DNAH1: variants seen among roughly 807,000 people sequenced by gnomAD.
The protein encoded by DNAH1 is dynein axonemal heavy chain 1.
A neutral mutation model predicts 484.3 loss-of-function variants in DNAH1; 327 were observed. That is an observed-to-expected ratio of 0.68 (90% confidence interval 0.62 to 0.74). The LOEUF is 0.74. DNAH1 is among the 30% of genes least tolerant of loss of function. The pLI, the probability that DNAH1 is intolerant of heterozygous loss-of-function variation, is 0.00. For missense variants in DNAH1, 5,052 were observed against 5,546.8 expected, an observed-to-expected ratio of 0.91 and a Z score of 2.83; for synonymous variants, 2,192 against 2,191.9, an observed-to-expected ratio of 1.00 and a Z score of 0.00.
At chr3:52,311,585 G>A (rs1469061314), upstream of DNAH1, among the ~76,000 whole-genome samples, 2 of 152,106 alleles carry the variant, frequency 1.3e-5, no homozygotes, top group Non-Finnish European at 2.9e-5. Flanking sequence ...TCTTTAACCT[G>A]CCCTCCAGCC....
intron 60 of DNAH1, among the ~76,000 whole-genome samples, chr3:52,390,432 AAAAAG>A (rs986970545): frequency 6.6e-6 from 1 of 152,216 alleles, no homozygotes; most frequent in Non-Finnish European, 1.5e-5. Flanking sequence ...GCCATTGCCA[AAAAAG>A]AAAAGAAAAG....
chr3:52,351,849 G>A, intron 16 of DNAH1, 113 bp from the exon 17 acceptor site: 1 of 1,306,888 alleles, frequency 7.7e-7, no homozygotes, highest in Non-Finnish European at 1.1e-6. Flanking sequence ...GATTTCCCCT[G>A]AACCCCTTCT....
chr3:52,341,056 C>T (rs1202073532), intron 8 of DNAH1, among the ~76,000 whole-genome samples: 6 of 151,882 alleles, frequency 4.0e-5, no homozygotes, highest in African/African-American at 1.5e-4. Flanking sequence ...CTTGGCTGTC[C>T]AGAAGTCTGT....
In DNAH1 at chr3:52,372,082, A is replaced by C. The variant is rs1703365765; in HGVS notation, c.6662A>C (p.Lys2221Thr). 1 of 1,613,486 alleles carries C rather than the reference A, an allele frequency of 6.2e-7. No individual in the cohort carries two copies. Among genetic ancestry groups the C allele is most frequent in the Admixed American group, 1.7e-5 (1 of 60,008 alleles). Residue 2221 changes from lysine (K) to threonine (T), a missense_variant, in exon 42 of 78, where the codon AAG (lysine) becomes ACG (threonine). Transcript: ENST00000420323. ...CTGGACATGCTGCTCACCAACAAGA[A>C]GCCCGTGAGCACCCCCCCAGGCCCT... ...HLLDMLLTNK[K>T]PVLCIGPTGT...
In DNAH1 at chr3:52,386,652, G is replaced by A. The variant is rs1458452206; in HGVS notation, c.8812-10G>A. On this transcript the variant is annotated splice_polypyrimidine_tract_variant and intron_variant, in intron 55 of 77. Coordinates refer to ENST00000420323, the MANE Select transcript of DNAH1 (RefSeq NM_015512.5). ...TCTGAGTCTTCCCCACTTGGTGGCT[G>A]GGCCTGCAGGTACGTGCCATGCAGC... 6.4e-7 allele frequency: 1 copy of A among 1,555,090 alleles called. No homozygotes were observed. The highest frequency in any genetic ancestry group is 8.7e-7 in the Non-Finnish European group (1 of 1,149,554).
intron 8 of DNAH1, among the ~76,000 whole-genome samples, chr3:52,334,141 C>T (rs1190230547): frequency 6.6e-6 from 1 of 152,166 alleles, no homozygotes; most frequent in Non-Finnish European, 1.5e-5. Context: ...GCTGCACACC[C>T]AGGATATATG....
rs187853190 is a variant in DNAH1 at position 52,335,885 on chromosome 3, C to T, written c.1286+3491C>T. ...CTGACCTCAAGTAATCTGCCCACCTCGGCCTCTGAAAGTGCTGGGATTACA... is the reference window on the plus strand; with the variant it reads ...CTGACCTCAAGTAATCTGCCCACCTTGGCCTCTGAAAGTGCTGGGATTACA... On this transcript the variant is annotated intron_variant, in intron 8 of 77. Transcript: ENST00000420323. 3.7e-3 allele frequency among the ~76,000 whole-genome samples: 563 copies of T among 152,200 alleles called. 1 individual carries two copies. Among genetic ancestry groups the T allele is most frequent in the Middle Eastern group, 6.8e-3 (2 of 294 alleles).
At chr3:52,323,278 A>C (rs908905750) in intron 2 of DNAH1, among the ~76,000 whole-genome samples, 1 of 151,912 alleles carries the variant, frequency 6.6e-6, no homozygotes, top group Non-Finnish European at 1.5e-5. Context: ...CTGTGTGAAG[A>C]AGAAGGCTAG....
At chr3:52,366,320 A>T in intron 34 of DNAH1, 137 bp from the exon 35 acceptor site, 1 of 681,402 alleles carries the variant, frequency 1.5e-6, no homozygotes, top group Non-Finnish European at 2.6e-6. Context: ...TGTAGGTGCT[A>T]CCACCATCCT....
chr3:52,312,547 T>C (rs1053746495), upstream of DNAH1, among the ~76,000 whole-genome samples: 3 of 151,444 alleles, frequency 2.0e-5, no homozygotes, highest in Middle Eastern at 3.4e-3. Flanking sequence ...CTCGGCTCAC[T>C]GGAACCTCTG....
chr3:52,385,058 C>A, intron 53 of DNAH1, 81 bp downstream of exon 53: 12 of 1,445,210 alleles, frequency 8.3e-6, no homozygotes, highest in Non-Finnish European at 1.1e-5. Flanking sequence ...CAGGGTGACA[C>A]CATGCTCCGC....
Position 52,357,715 on chromosome 3 carries a change from C to A in DNAH1, c.3960C>A (p.Thr1320=). The A allele has an allele frequency of 6.3e-7, 1 of 1,582,280 alleles. No individual in the cohort carries two copies. Among genetic ancestry groups the A allele is most frequent in the Non-Finnish European group, 8.6e-7 (1 of 1,163,920 alleles). Residue 1320 remains threonine (T), a synonymous_variant, in exon 23 of 78, where the codon ACC becomes ACA. Coordinates refer to ENST00000420323, the MANE Select transcript of DNAH1 (RefSeq NM_015512.5). The part of the protein sequence containing the change: ...VQKGLSEYLE[T]KRSAFPRFYF... ...AGGGCCTCAGCGAGTATCTGGAGAC[C>A]AAGAGGAGCGCCTTCCCCAGGTGGG...
At chr3:52,393,070 A>G in intron 65 of DNAH1, 45 bp downstream of exon 65, 5 of 1,586,242 alleles carry the variant, frequency 3.2e-6, no homozygotes, top group Non-Finnish European at 4.3e-6. Flanking sequence ...GATATGACCC[A>G]TGTGGACACA....
intron 8 of DNAH1, among the ~76,000 whole-genome samples, chr3:52,335,614 G>C (rs1243233098): frequency 2.3e-5 from 3 of 132,648 alleles, no homozygotes; most frequent in Admixed American, 7.6e-5. Context: ...CGGCCCTTTT[G>C]CTCTTTTTCC....
At chr3:52,366,989 G>C (rs1703109110) in intron 36 of DNAH1, 102 bp downstream of exon 36, 1 of 1,401,898 alleles carries the variant, frequency 7.1e-7, no homozygotes, top group Admixed American at 2.1e-5. Flanking sequence ...GGAAGGCCGG[G>C]CTCTGCAGCC....
rs1404689795 is a variant in DNAH1 at position 52,361,513 on chromosome 3, G to A, written c.4875-148G>A. 6.6e-6 allele frequency: 8 copies of A among 1,206,660 alleles called. No individual in the cohort carries two copies. The Admixed American group carries it at 1.1e-4, about 17-fold the overall frequency. The allele number at this position is 1,206,660 out of a possible 1,614,324, so 74.7% of individuals were successfully genotyped here. On this transcript the variant is annotated intron_variant, in intron 29 of 77. Transcript: ENST00000420323. The surrounding 1 kb of genome is among the most constrained non-coding windows in gnomAD (Gnocchi z 5.6). ...GGCTTGGTCCTGGGGGCATTGGGGTGGGGAGTGGCAGTGGGTTGAAGACTG... is the reference window on the plus strand; with the variant it reads ...GGCTTGGTCCTGGGGGCATTGGGGTAGGGAGTGGCAGTGGGTTGAAGACTG...
chr3:52,356,015 C>T (rs1702594857), intron 21 of DNAH1, among the ~76,000 whole-genome samples: 2 of 152,242 alleles, frequency 1.3e-5, no homozygotes, highest in African/African-American at 2.4e-5. Flanking sequence ...CTGGCACAGT[C>T]CTGACACTGC....
intron 32 of DNAH1, 88 bp downstream of exon 32, chr3:52,363,232 T>C: frequency 1.3e-6 from 2 of 1,536,090 alleles, no homozygotes; most frequent in Non-Finnish European, 1.8e-6. Context: ...CCAGGCTCTA[T>C]GCCCGGTGCT....
chr3:52,384,909 A>G lies in DNAH1; in HGVS notation c.8446A>G (p.Ile2816Val), dbSNP rs1332886291. The change falls in exon 53 of 78, where the codon ATC (isoleucine) becomes GTC (valine). Residue 2816 changes from isoleucine to valine, a missense_variant. By Grantham distance (29) the Ile-to-Val change is conservative. Coordinates refer to ENST00000420323, the MANE Select transcript of DNAH1 (RefSeq NM_015512.5). Reference sequence around the variant, plus strand: ...CTTGGAGCTGCTTCATATTTTCTCCATCCTCATCGGGCAGAAGAAACTGGA... The same window carrying G: ...CTTGGAGCTGCTTCATATTTTCTCCGTCCTCATCGGGCAGAAGAAACTGGA... ...SYLELLHIFS[I>V]LIGQKKLELK... is the part of the protein sequence containing the mutation. The G allele has an allele frequency of 5.0e-6, 8 of 1,613,544 alleles. No individual in the cohort carries two copies. Among genetic ancestry groups the G allele is most frequent in the Non-Finnish European group, 6.8e-6 (8 of 1,179,784 alleles).
Sources: gnomAD v4.1 joint callset for allele counts (sites outside exome capture counted in the v4.1 genomes callset) on GRCh38, gnomAD v4.1.1 for gene constraint, Gnocchi (gnomAD v3.1) non-coding constraint, MANE v1.5 for transcripts, NCBI Gene and HGNC (gene_info 2026-07-23, HGNC 2026-07-21) for gene names.